LRCH1: variants seen among roughly 807,000 people sequenced by gnomAD.
The protein encoded by LRCH1 is leucine-rich repeat and calponin homology domain-containing protein 1.
LRCH1 carries 23 observed loss-of-function variants against 94.9 expected under a neutral mutation model. The ratio of observed to expected loss-of-function variants is 0.24; its 90% CI spans 0.17 to 0.34. The LOEUF (loss-of-function observed/expected upper bound fraction) is 0.34, where lower values mean the gene tolerates loss of function less well. LRCH1 is among the 10% of genes least tolerant of loss of function. The probability of loss-of-function intolerance (pLI) is 1.00; values close to 1 mark genes in which losing one functional copy is unlikely to be tolerated. For missense variants in LRCH1, 790 were observed against 945.9 expected, an observed-to-expected ratio of 0.84 and a Z score of 2.16; for synonymous variants, 364 against 354.9, an observed-to-expected ratio of 1.03 and a Z score of -0.29.
At chr13:46,698,097 G>A (rs963272290) in intron 9 of LRCH1, among the ~76,000 whole-genome samples, 33 of 152,200 alleles carry the variant, frequency 2.2e-4, no homozygotes, top group African/African-American at 7.7e-4. Context: ...TACATGAAAA[G>A]TATAATCACT....
At chr13:46,708,252 G>A (rs1158340116) in intron 13 of LRCH1, among the ~76,000 whole-genome samples, 1 of 149,006 alleles carries the variant, frequency 6.7e-6, no homozygotes, top group Non-Finnish European at 1.5e-5. Flanking sequence ...TCATAGTTTT[G>A]TCTAGGTCTA....
At chr13:46,738,534 T>C (rs1219987454) in intron 19 of LRCH1, among the ~76,000 whole-genome samples, 2 of 152,244 alleles carry the variant, frequency 1.3e-5, no homozygotes, top group Non-Finnish European at 2.9e-5. Context: ...AAAGACAATC[T>C]ATAAATTGAA....
intron 5 of LRCH1, among the ~76,000 whole-genome samples, chr13:46,686,718 C>G (rs775855336): frequency 6.6e-6 from 1 of 152,048 alleles, no homozygotes; most frequent in Non-Finnish European, 1.5e-5. Flanking sequence ...CATGCTTAAG[C>G]AACTCTCCAA....
intron 16 of LRCH1, among the ~76,000 whole-genome samples, chr13:46,720,155 G>A (rs1872532571): frequency 6.6e-6 from 1 of 152,120 alleles, no homozygotes; most frequent in South Asian, 2.1e-4. Flanking sequence ...GGGAGTCTGA[G>A]GCAGGTAGAT....
intron 17 of LRCH1, among the ~76,000 whole-genome samples, chr13:46,728,164 A>G (rs1872920442): frequency 6.6e-6 from 1 of 151,182 alleles, no homozygotes. Context: ...GCATCTCCCC[A>G]CCTCGGCCTC....
In LRCH1 at chr13:46,687,844, C is replaced by A. The variant is rs766701128; in HGVS notation, c.823-8C>A. ...AAATGAATATGATTGCTATTAATTT[C>A]TTTGTAGATTTGCACAAAGGGCAAA... On this transcript the variant is annotated splice_polypyrimidine_tract_variant and splice_region_variant and intron_variant, in intron 5 of 19. Transcript: ENST00000389797. The A allele has an allele frequency of 6.2e-7, 1 of 1,607,436 alleles. No homozygotes were observed. Among genetic ancestry groups the A allele is most frequent in the Non-Finnish European group, 8.5e-7 (1 of 1,176,012 alleles).
At position 46,654,727 on chromosome 13, in the gene LRCH1, T is replaced by C. The variant is rs2051349836; in HGVS notation, c.452+4382T>C. On this transcript the variant is annotated intron_variant, in intron 2 of 19. Transcript: ENST00000389797. ...CACTTAAGGTAGATGATATCAAGTA[T>C]AGTATGATCTGAAAGAGCTTTAACA... Among the ~76,000 whole-genome samples, 3 of 152,234 alleles carry C rather than the reference T, an allele frequency of 2.0e-5. No homozygotes were observed. In the South Asian group the frequency reaches 6.2e-4, roughly 31 times the overall value.
At chr13:46,733,244 A>C (rs575970348) in intron 18 of LRCH1, among the ~76,000 whole-genome samples, 177 of 152,262 alleles carry the variant, frequency 1.2e-3, no homozygotes, top group African/African-American at 4.2e-3. Flanking sequence ...TTATATATGA[A>C]ATGTGCCTGT....
In LRCH1 at chr13:46,694,892, G is replaced by A; in HGVS notation, c.1121-1G>A. The A allele has an allele frequency of 6.2e-7, 1 of 1,613,984 alleles. No homozygotes were observed. The highest frequency in any genetic ancestry group is 8.5e-7 in the Non-Finnish European group (1 of 1,179,944). On this transcript the variant is annotated splice_acceptor_variant, in intron 8 of 19. Coordinates refer to ENST00000389797, the MANE Select transcript of LRCH1 (RefSeq NM_001164211.2). LOFTEE classifies it high-confidence loss of function. ...TCCATCTCTCTATATTTTCCTAATA[G>A]GGGAATTTCATCAGGAATTTCAACC...
intron 1 of LRCH1, among the ~76,000 whole-genome samples, chr13:46,591,479 T>C (rs915214581): frequency 6.6e-6 from 1 of 152,172 alleles, no homozygotes; most frequent in African/African-American, 2.4e-5. Context: ...AAAGAAATAT[T>C]ATTCTGAATA....
intron 3 of LRCH1, among the ~76,000 whole-genome samples, chr13:46,669,428 G>A (rs995870088): frequency 2.4e-4 from 37 of 152,278 alleles, no homozygotes; most frequent in African/African-American, 8.4e-4. Context: ...CTATCATGTT[G>A]TAGTTAGTAT....
At chr13:46,734,827 C>T (rs1013524930) in intron 19 of LRCH1, among the ~76,000 whole-genome samples, 2 of 152,016 alleles carry the variant, frequency 1.3e-5, no homozygotes, top group Non-Finnish European at 2.9e-5. Context: ...TCTTAATGCC[C>T]CAGGGATAAG....
At chr13:46,633,743 CAG>C (rs2051046659) in intron 1 of LRCH1, among the ~76,000 whole-genome samples, 1 of 152,144 alleles carries the variant, frequency 6.6e-6, no homozygotes. Context: ...TCATGGGCTC[CAG>C]ACCCACAATC....
intron 2 of LRCH1, among the ~76,000 whole-genome samples, chr13:46,655,707 T>C (rs1220425924): frequency 6.6e-6 from 1 of 152,202 alleles, no homozygotes; most frequent in Non-Finnish European, 1.5e-5. Flanking sequence ...GAAAATAAAA[T>C]AACCCAGACT....
In LRCH1 at chr13:46,711,771, C is replaced by T. The variant is rs1345089489; in HGVS notation, c.1528-20C>T. 3 of 1,602,752 alleles carry T rather than the reference C, an allele frequency of 1.9e-6. No homozygotes were observed. The South Asian group carries it at 3.3e-5, about 18-fold the overall frequency. ...TCACAGTCTAATGGAACATACCATG[C>T]TTTGTTCTTCTTTTTTAAGGTGCAA... is the stretch of plus-strand genomic sequence containing the variant. On this transcript the variant is annotated intron_variant, in intron 13 of 19. Coordinates refer to ENST00000389797, the MANE Select transcript of LRCH1 (RefSeq NM_001164211.2).
At chr13:46,560,409 C>T (rs967936071) in intron 1 of LRCH1, among the ~76,000 whole-genome samples, 2 of 152,080 alleles carry the variant, frequency 1.3e-5, no homozygotes, top group Admixed American at 6.5e-5. Flanking sequence ...AATTGAACGT[C>T]TGTCTTGGAT....
At chr13:46,681,578 T>C (rs779108583) in intron 3 of LRCH1, among the ~76,000 whole-genome samples, 163 bp from the exon 4 acceptor site, 1 of 152,200 alleles carries the variant, frequency 6.6e-6, no homozygotes, top group Non-Finnish European at 1.5e-5. Context: ...TGTTCAGCTT[T>C]CTCTTCTCTG....
chr13:46,571,964 A>G (rs888011704), intron 1 of LRCH1, among the ~76,000 whole-genome samples: 5 of 152,076 alleles, frequency 3.3e-5, no homozygotes, highest in African/African-American at 9.7e-5. Flanking sequence ...TTGAACGGCG[A>G]TGCCCACAGA....
At chr13:46,598,207 G>A (rs1318179863) in intron 1 of LRCH1, among the ~76,000 whole-genome samples, 1 of 152,182 alleles carries the variant, frequency 6.6e-6, no homozygotes, top group Non-Finnish European at 1.5e-5. Flanking sequence ...GGCATTTTCT[G>A]AGTAAATTGG....
Sources: gnomAD v4.1 joint callset for allele counts (sites outside exome capture counted in the v4.1 genomes callset) on GRCh38, gnomAD v4.1.1 for gene constraint, MANE v1.5 for transcripts, NCBI Gene and HGNC (gene_info 2026-07-23, HGNC 2026-07-21) for gene names.